Variants in SPATA13 observed in about 807,000 individuals in gnomAD.
SPATA13 encodes the protein spermatogenesis associated 13.
Under a neutral mutation model 104.0 loss-of-function variants are expected in SPATA13, and 50 were observed. That is an observed-to-expected ratio of 0.48 (90% CI 0.38 to 0.61). The LOEUF (loss-of-function observed/expected upper bound fraction) is 0.61, where lower values mean the gene tolerates loss of function less well. Ranked by LOEUF, SPATA13 falls within the 20% of genes least tolerant of loss-of-function variation. The pLI is 0.00. For missense variants in SPATA13, 1,524 were observed against 1,690.6 expected, an observed-to-expected ratio of 0.90 and a Z score of 1.73; for synonymous variants, 606 against 667.5, an observed-to-expected ratio of 0.91 and a Z score of 1.42.
At chr13:24,140,019 A>G (rs1005179035) in intron 3 of SPATA13, among the ~76,000 whole-genome samples, 2 of 150,948 alleles carry the variant, frequency 1.3e-5, no homozygotes, top group Non-Finnish European at 2.9e-5. Context: ...CAGTGAGCCA[A>G]GGTCGTGCCA....
chr13:24,030,065 C>CGT (rs1491427744), intron 3 of SPATA13, among the ~76,000 whole-genome samples: 14 of 111,128 alleles, frequency 1.3e-4, no homozygotes, highest in Non-Finnish European at 2.1e-4. Flanking sequence ...CACACACACA[C>CGT]GCACACACAC....
At chr13:23,991,727 A>T (rs546734996) in intron 2 of SPATA13, among the ~76,000 whole-genome samples, 2 of 152,168 alleles carry the variant, frequency 1.3e-5, no homozygotes, top group South Asian at 4.1e-4. Context: ...AGGACAACAG[A>T]GTAATCATCC....
rs573864620 is a variant in SPATA13 at position 24,224,645 on chromosome 13, G to A, written c.1653+63G>A. ...TCCTGCGGGAAGGGAGCTTGCACAG[G>A]TGTTGCCCTTGGTCCCTAACCTGTC... On this transcript the variant is annotated intron_variant, in intron 2 of 12. Transcript: ENST00000382108. 71 of 1,514,844 alleles carry A rather than the reference G, an allele frequency of 4.7e-5. No individual in the cohort carries two copies. The South Asian group carries it at 7.6e-4, about 16-fold the overall frequency. The allele number at this position is 1,514,844 out of a possible 1,614,324, so 93.8% of individuals were successfully genotyped here.
intron 2 of SPATA13, among the ~76,000 whole-genome samples, chr13:23,987,749 C>T (rs1205781965): frequency 6.6e-6 from 1 of 152,110 alleles, no homozygotes; most frequent in African/African-American, 2.4e-5. Context: ...TTTTATTTTA[C>T]ACAATTGGAA....
intron 2 of SPATA13, among the ~76,000 whole-genome samples, chr13:24,001,998 G>T (rs1479779613): frequency 6.6e-6 from 1 of 152,092 alleles, no homozygotes; most frequent in Non-Finnish European, 1.5e-5. Context: ...TCACCCAGGG[G>T]GCGGGTGGGA....
chr13:24,092,703 C>A (rs1036344969), intron 3 of SPATA13, among the ~76,000 whole-genome samples: 42 of 152,274 alleles, frequency 2.8e-4, no homozygotes, highest in African/African-American at 9.9e-4. Flanking sequence ...ACTGTTTATT[C>A]CCTTTCAAAC....
chr13:24,259,148 A>G (rs1214725019), intron 4 of SPATA13, among the ~76,000 whole-genome samples: 1 of 152,226 alleles, frequency 6.6e-6, no homozygotes, highest in Non-Finnish European at 1.5e-5. Flanking sequence ...GTGACCCTGC[A>G]GGAATGCTGC....
At chr13:24,157,465 A>AT (rs369115177), upstream of SPATA13, among the ~76,000 whole-genome samples, 14 of 151,744 alleles carry the variant, frequency 9.2e-5, no homozygotes, top group East Asian at 9.7e-4. Flanking sequence ...CGCCCGGCTA[A>AT]TTTTTTTTGT....
intron 3 of SPATA13, among the ~76,000 whole-genome samples, chr13:24,072,157 G>A (rs1488854930): frequency 6.6e-6 from 1 of 152,062 alleles, no homozygotes; most frequent in Non-Finnish European, 1.5e-5. Flanking sequence ...AAGGCTAAAT[G>A]TGTTCTTAGA....
At chr13:24,136,266 CG>C (rs1881562389) in intron 3 of SPATA13, among the ~76,000 whole-genome samples, 1 of 152,106 alleles carries the variant, frequency 6.6e-6, no homozygotes, top group African/African-American at 2.4e-5. Context: ...CACCTGAGGT[CG>C]GGAGTTTGAG....
chr13:24,288,868 C>T, intron 7 of SPATA13, 131 bp from the exon 8 acceptor site: 1 of 741,404 alleles, frequency 1.3e-6, no homozygotes, highest in Non-Finnish European at 2.1e-6. Context: ...ACGATGACCT[C>T]ATCAGAGACT....
At chr13:24,278,700 G>A (rs1473617944) in intron 4 of SPATA13, 1 of 1,552,002 alleles carries the variant, frequency 6.4e-7, no homozygotes, top group Admixed American at 2.1e-5. Context: ...AACCCTGAGA[G>A]ATGGGTTTTA....
At chr13:24,275,262 G>A (rs1874892941) in intron 4 of SPATA13, among the ~76,000 whole-genome samples, 1 of 152,206 alleles carries the variant, frequency 6.6e-6, no homozygotes, top group South Asian at 2.1e-4. Context: ...TTTGTGTAAG[G>A]GATGGACTGG....
intron 1 of SPATA13, among the ~76,000 whole-genome samples, chr13:24,199,130 C>T (rs1870256975): frequency 6.6e-6 from 1 of 152,158 alleles, no homozygotes; most frequent in Middle Eastern, 3.4e-3. Flanking sequence ...CTCAAGCGAT[C>T]CGCCCGTCTT....
intron 3 of SPATA13, among the ~76,000 whole-genome samples, chr13:24,035,303 C>T (rs1877636361): frequency 6.6e-6 from 1 of 152,102 alleles, no homozygotes; most frequent in Admixed American, 6.6e-5. Context: ...TACAGGTGTG[C>T]ACCAACACAC....
intron 3 of SPATA13, among the ~76,000 whole-genome samples, chr13:24,104,945 A>T (rs1880389325): frequency 6.6e-6 from 1 of 152,090 alleles, no homozygotes; most frequent in Non-Finnish European, 1.5e-5. Context: ...GAATGGTGTC[A>T]TCTCCATTTT....
chr13:24,108,649 C>T (rs1880532053), intron 3 of SPATA13, among the ~76,000 whole-genome samples: 1 of 87,324 alleles, frequency 1.1e-5, no homozygotes, highest in South Asian at 4.1e-4. Flanking sequence ...ATGCCGGCTG[C>T]TTTTCATGGT....
intron 2 of SPATA13, among the ~76,000 whole-genome samples, chr13:24,229,874 C>T (rs898751306): frequency 2.6e-5 from 4 of 152,184 alleles, no homozygotes; most frequent in Admixed American, 6.5e-5. Context: ...CCCAGATACA[C>T]TTAAAACATA....
At chr13:23,982,099 C>T (rs938015873) in intron 1 of SPATA13, among the ~76,000 whole-genome samples, 3 of 152,070 alleles carry the variant, frequency 2.0e-5, no homozygotes, top group Non-Finnish European at 2.9e-5. Context: ...TTTAATAAAT[C>T]GCTATAGCAT....
Sources: allele counts gnomAD v4.1 joint callset (sites outside exome capture counted in the v4.1 genomes callset), GRCh38; gene constraint gnomAD v4.1.1; transcripts MANE v1.5; gene names NCBI Gene and HGNC (gene_info 2026-07-23, HGNC 2026-07-21).